Variants in SLC24A2 observed in about 807,000 individuals in gnomAD.
SLC24A2 encodes sodium/potassium/calcium exchanger 2.
A neutral mutation model predicts 62.0 loss-of-function variants in SLC24A2; 36 were observed. That is an observed-to-expected ratio of 0.58 (90% CI 0.44 to 0.77). The LOEUF is 0.77. Ranked by LOEUF, SLC24A2 falls within the 30% of genes least tolerant of loss-of-function variation. The probability of loss-of-function intolerance (pLI) is 0.00; values close to 1 mark genes in which losing one functional copy is unlikely to be tolerated. For synonymous variants in SLC24A2, 358 were observed against 294.0 expected (o/e 1.22, Z -2.23); for missense variants, 846 against 817.9 (o/e 1.03, Z -0.42).
At chr9:19,979,666 T>C in the SLC24A2 span, among the ~76,000 whole-genome samples, 1 of 152,172 alleles carries the variant, frequency 6.6e-6, no homozygotes, top group Non-Finnish European at 1.5e-5. Context: ...TAGCTGACTT[T>C]AGGATGGGCA....
intron 5 of SLC24A2, among the ~76,000 whole-genome samples, chr9:19,585,220 C>G (rs150009080): frequency 2.6e-3 from 389 of 152,256 alleles, no homozygotes; most frequent in Non-Finnish European, 4.7e-3. Flanking sequence ...TGTCTTGTCT[C>G]TCTTACTTAG....
chr9:19,684,767 G>A (rs1013418232), intron 2 of SLC24A2, among the ~76,000 whole-genome samples: 1 of 151,954 alleles, frequency 6.6e-6, no homozygotes, highest in Non-Finnish European at 1.5e-5. Context: ...TCTTGGTTGG[G>A]TTAACAAATT....
the SLC24A2 span, among the ~76,000 whole-genome samples, chr9:20,279,802 C>T: frequency 6.6e-6 from 1 of 152,164 alleles, no homozygotes; most frequent in Non-Finnish European, 1.5e-5. Flanking sequence ...ACCATTAAAA[C>T]AAGTGTTCCT....
the SLC24A2 span, among the ~76,000 whole-genome samples, chr9:20,216,432 T>G: frequency 6.6e-6 from 1 of 152,318 alleles, no homozygotes; most frequent in South Asian, 2.1e-4. Flanking sequence ...TTAAGATACT[T>G]GTGTTATACA....
At chr9:20,254,985 G>A in the SLC24A2 span, among the ~76,000 whole-genome samples, 3 of 152,110 alleles carry the variant, frequency 2.0e-5, no homozygotes, top group African/African-American at 7.2e-5. Context: ...AACAGCACAG[G>A]AAAAATCCAC....
the SLC24A2 span, among the ~76,000 whole-genome samples, chr9:20,023,251 C>A: frequency 3.3e-5 from 5 of 152,312 alleles, 1 homozygote; most frequent in Middle Eastern, 3.4e-3. Context: ...TACAGTGTTA[C>A]AACAGAATGT....
chr9:20,199,410 G>A, the SLC24A2 span, among the ~76,000 whole-genome samples: 7,431 of 152,260 alleles, frequency 0.049, 599 homozygotes, highest in African/African-American at 0.17. Context: ...ATAAAGCAGA[G>A]AGCGGCTTAA....
chr9:20,225,885 A>G, the SLC24A2 span, among the ~76,000 whole-genome samples: 1 of 152,000 alleles, frequency 6.6e-6, no homozygotes, highest in South Asian at 2.1e-4. Flanking sequence ...ACTCTCCCAA[A>G]TCCTTTAGAA....
chr9:19,620,496 C>G (rs967368550), intron 3 of SLC24A2, among the ~76,000 whole-genome samples: 3 of 152,306 alleles, frequency 2.0e-5, no homozygotes, highest in Middle Eastern at 3.4e-3. Flanking sequence ...GCACAAACTA[C>G]TAGTTGTGAT....
chr9:20,159,143 G>A, the SLC24A2 span, among the ~76,000 whole-genome samples: 9 of 151,604 alleles, frequency 5.9e-5, no homozygotes, highest in Non-Finnish European at 1.2e-4. Flanking sequence ...GGCAAGCTTC[G>A]CTTCAAGAAT....
the SLC24A2 span, among the ~76,000 whole-genome samples, chr9:20,260,895 G>A: frequency 8.1e-6 from 1 of 123,706 alleles, no homozygotes. Flanking sequence ...TCACCCTGTT[G>A]CCCAGGCTGG....
intron 2 of SLC24A2, among the ~76,000 whole-genome samples, chr9:19,649,625 T>C (rs1445576921): frequency 6.6e-6 from 1 of 152,224 alleles, no homozygotes; most frequent in African/African-American, 2.4e-5. Flanking sequence ...AACATAGGTT[T>C]CATTTGGTCA....
chr9:20,068,564 T>C, the SLC24A2 span, among the ~76,000 whole-genome samples: 2 of 152,116 alleles, frequency 1.3e-5, no homozygotes, highest in Admixed American at 1.3e-4. Context: ...GAACAACTGG[T>C]AACATTCAAG....
At chr9:19,773,618 T>C (rs531897128) in intron 2 of SLC24A2, among the ~76,000 whole-genome samples, 111 of 152,324 alleles carry the variant, frequency 7.3e-4, no homozygotes, top group African/African-American at 2.5e-3. Context: ...TATCAACTTC[T>C]TGAAGCATTA....
At chr9:20,284,554 G>A in the SLC24A2 span, among the ~76,000 whole-genome samples, 1 of 151,988 alleles carries the variant, frequency 6.6e-6, no homozygotes, top group Admixed American at 6.6e-5. Flanking sequence ...GTATAGTCAA[G>A]CCAATGACTA....
chr9:20,218,438 A>G, the SLC24A2 span, among the ~76,000 whole-genome samples: 1 of 152,012 alleles, frequency 6.6e-6, no homozygotes, highest in Non-Finnish European at 1.5e-5. Flanking sequence ...CACAACCCAC[A>G]CACACGTGTG....
the SLC24A2 span, among the ~76,000 whole-genome samples, chr9:19,981,253 A>C: frequency 6.6e-6 from 1 of 152,198 alleles, no homozygotes; most frequent in Non-Finnish European, 1.5e-5. Flanking sequence ...TTCATCATTC[A>C]TTCTTTCAAA....
chr9:20,088,204 G>A, the SLC24A2 span, among the ~76,000 whole-genome samples: 1 of 152,244 alleles, frequency 6.6e-6, no homozygotes, highest in Non-Finnish European at 1.5e-5. Flanking sequence ...ACAGGCGGTA[G>A]GCCGCACTTC....
the SLC24A2 span, among the ~76,000 whole-genome samples, chr9:19,998,744 G>C: frequency 6.6e-6 from 1 of 152,232 alleles, no homozygotes; most frequent in South Asian, 2.1e-4. Flanking sequence ...AGAATGGTCT[G>C]GGAGAAATAG....
Sources: gnomAD v4.1 joint callset for allele counts (sites outside exome capture counted in the v4.1 genomes callset) on GRCh38, gnomAD v4.1.1 for gene constraint, MANE v1.5 for transcripts, NCBI Gene and HGNC (gene_info 2026-07-23, HGNC 2026-07-21) for gene names.